Variants in FIGN observed in about 807,000 individuals in gnomAD.
The protein encoded by FIGN is fidgetin.
Under a neutral mutation model 51.3 loss-of-function variants are expected in FIGN, and 11 were observed. That is an observed-to-expected ratio of 0.21 (90% CI 0.13 to 0.35). The LOEUF (loss-of-function observed/expected upper bound fraction) is 0.35. Among genes scored for constraint, FIGN ranks in the 10% least tolerant of loss-of-function variants. The probability of loss-of-function intolerance (pLI) is 1.00; values close to 1 mark genes in which losing one functional copy is unlikely to be tolerated. For missense variants in FIGN, 857 were observed against 943.6 expected, an observed-to-expected ratio of 0.91 and a Z score of 1.20; for synonymous variants, 407 against 363.2, an observed-to-expected ratio of 1.12 and a Z score of -1.37.
intron 1 of FIGN, among the ~76,000 whole-genome samples, chr2:163,735,539 T>C (rs1685001695): frequency 6.6e-6 from 1 of 152,246 alleles, no homozygotes; most frequent in African/African-American, 2.4e-5. Context: ...AAGATAGTAA[T>C]AAGTAAGCCC....
chr2:163,655,821 A>G (rs1266701041), intron 2 of FIGN, among the ~76,000 whole-genome samples: 3 of 151,884 alleles, frequency 2.0e-5, no homozygotes, highest in African/African-American at 7.3e-5. Context: ...AGAGAGAGAG[A>G]GAGAGAGCTC....
Position 163,609,791 on chromosome 2 carries a change from G to C in FIGN, c.2041C>G (p.Leu681Val). 6.2e-7 allele frequency: 1 copy of C among 1,614,156 alleles called. No homozygotes were observed. Among genetic ancestry groups the C allele is most frequent in the Non-Finnish European group, 8.5e-7 (1 of 1,180,030 alleles). The change falls in exon 3 of 3, where the codon CTC becomes GTC. Residue 681 changes from leucine to valine, a missense_variant. Transcript: ENST00000333129. Reference protein sequence around the residue: ...YCLNDKEFALLVQRTEGFSGL... With the variant: ...YCLNDKEFALVVQRTEGFSGL... Reference sequence around the variant, plus strand: ...GAAAAGCCTTCTGTGCGCTGGACGAGCAGTGCAAACTCCTTGTCATTGAGA... The same window carrying C: ...GAAAAGCCTTCTGTGCGCTGGACGACCAGTGCAAACTCCTTGTCATTGAGA...
At chr2:163,680,901 T>C (rs983807498) in intron 2 of FIGN, among the ~76,000 whole-genome samples, 1 of 152,238 alleles carries the variant, frequency 6.6e-6, no homozygotes, top group Non-Finnish European at 1.5e-5. Context: ...TATCAGCCTG[T>C]CTAGCAGAGA....
At chr2:163,645,261 G>T (rs1474503884) in intron 2 of FIGN, among the ~76,000 whole-genome samples, 2 of 152,116 alleles carry the variant, frequency 1.3e-5, no homozygotes, top group Non-Finnish European at 2.9e-5. Flanking sequence ...AGAGAGGTGT[G>T]CCTAGATCAT....
In FIGN at chr2:163,666,766, C is replaced by CTCAAAGA. The variant is rs1559014497; in HGVS notation, c.26-54961_26-54960insTCTTTGA. ...GGATGACAGAAATGAGGACACAAAG[C>CTCAAAGA]CTCAAAGAAGTACCATAATCACACA... On this transcript the variant is annotated intron_variant, in intron 2 of 2. Transcript: ENST00000333129. Among the ~76,000 whole-genome samples, 5 of 152,094 alleles carry CTCAAAGA rather than the reference C, an allele frequency of 3.3e-5. No homozygotes were observed. In the East Asian group the frequency reaches 9.9e-4, roughly 30 times the overall value.
chr2:163,669,759 G>T (rs966763962), intron 2 of FIGN, among the ~76,000 whole-genome samples: 2 of 152,102 alleles, frequency 1.3e-5, no homozygotes, highest in African/African-American at 4.8e-5. Flanking sequence ...AACTCCCAAA[G>T]AAATGAAACT....
At position 163,605,258 on chromosome 2, in the gene FIGN, C is replaced by T. The variant is rs1340829834; in HGVS notation, c.*4294G>A. Reference sequence around the variant, plus strand: ...AAAGATGCAGTATCCCTGGTTCACACAAATGCATCTGGCAGGTTCAAAATC... The same window carrying T: ...AAAGATGCAGTATCCCTGGTTCACATAAATGCATCTGGCAGGTTCAAAATC... On this transcript the variant is annotated 3_prime_UTR_variant, in exon 3 of 3. Coordinates refer to ENST00000333129, the MANE Select transcript of FIGN (RefSeq NM_018086.4). 1 of 151,982 alleles carries T rather than the reference C, an allele frequency of 6.6e-6. No homozygotes were observed. The highest frequency in any genetic ancestry group is 1.5e-5 in the Non-Finnish European group (1 of 67,990). The allele number at this position is 151,982 out of a possible 1,614,324, so 9.4% of individuals were successfully genotyped here.
Position 163,604,311 on chromosome 2 carries a change from G to A in FIGN, c.*5241C>T, listed in dbSNP as rs1691037280. 1.3e-5 allele frequency: 2 copies of A among 152,106 alleles called. No individual in the cohort carries two copies. The highest frequency in any genetic ancestry group is 1.3e-4 in the Admixed American group (2 of 15,236). The allele number at this position is 152,106 out of a possible 1,614,324, so 9.4% of individuals were successfully genotyped here. ...TGGGAATGCTAACACATTTCTCAGAGATGGGCACATAGGAATAAAGCTCTA... is the reference window on the plus strand; with the variant it reads ...TGGGAATGCTAACACATTTCTCAGAAATGGGCACATAGGAATAAAGCTCTA... On this transcript the variant is annotated 3_prime_UTR_variant, in exon 3 of 3. Coordinates refer to ENST00000333129, the MANE Select transcript of FIGN (RefSeq NM_018086.4).
At chr2:163,635,410 T>C (rs1000777580) in intron 2 of FIGN, among the ~76,000 whole-genome samples, 2 of 152,002 alleles carry the variant, frequency 1.3e-5, no homozygotes, top group Admixed American at 1.3e-4. Context: ...TCTACAAAAA[T>C]ATTTTAAAAA....
rs1370400527 is a variant in FIGN at position 163,610,948 on chromosome 2, T to C, written c.884A>G (p.Tyr295Cys). ...LPPTTVPGYT[Y>C]QGHGLTPIAP... is the part of the protein sequence containing the mutation. ...AATAGGTGTCAAACCATGGCCCTGG[T>C]AGGTGTAGCCAGGAACAGTGGTGGG... The change falls in exon 3 of 3, where the codon TAC becomes TGC. Residue 295 changes from tyrosine to cysteine, a missense_variant. Physicochemically the swap from Tyr to Cys is radical, Grantham distance 194 (BLOSUM62 -2). Coordinates refer to ENST00000333129, the MANE Select transcript of FIGN (RefSeq NM_018086.4). 3 of 1,611,694 alleles carry C rather than the reference T, an allele frequency of 1.9e-6. No homozygotes were observed. Among genetic ancestry groups the C allele is most frequent in the Non-Finnish European group, 2.5e-6 (3 of 1,179,686 alleles).
chr2:163,728,005 AG>A (rs1684864799), intron 2 of FIGN, among the ~76,000 whole-genome samples: 1 of 152,182 alleles, frequency 6.6e-6, no homozygotes, highest in African/African-American at 2.4e-5. Flanking sequence ...TGAGAAGCTA[AG>A]TCCAGGATTT....
intron 2 of FIGN, among the ~76,000 whole-genome samples, chr2:163,650,800 T>A (rs1559008942): frequency 6.6e-6 from 1 of 152,208 alleles, no homozygotes; most frequent in Non-Finnish European, 1.5e-5. Flanking sequence ...TACAGGGCTT[T>A]CCTGTGAACA....
intron 2 of FIGN, chr2:163,617,341 A>T (rs1682894687): frequency 1.3e-5 from 7 of 519,268 alleles, no homozygotes; most frequent in Non-Finnish European, 1.7e-5. Flanking sequence ...TCAATAAAAG[A>T]TGAACTATGT....
chr2:163,709,814 C>A (rs999391013), intron 2 of FIGN, among the ~76,000 whole-genome samples: 3 of 152,032 alleles, frequency 2.0e-5, no homozygotes, highest in Non-Finnish European at 4.4e-5. Flanking sequence ...TTAAAATGGG[C>A]AGGTCAATCA....
At chr2:163,694,686 T>C (rs980689216) in intron 2 of FIGN, among the ~76,000 whole-genome samples, 11 of 152,204 alleles carry the variant, frequency 7.2e-5, no homozygotes, top group African/African-American at 2.7e-4. Context: ...GCAAAAATAT[T>C]GGCCATGTCC....
chr2:163,728,177 CT>C (rs1480032251), intron 2 of FIGN, among the ~76,000 whole-genome samples: 3 of 152,090 alleles, frequency 2.0e-5, no homozygotes, highest in East Asian at 3.9e-4. Context: ...CTGCCCCCCC[CT>C]TCCTGTCACT....
intron 2 of FIGN, among the ~76,000 whole-genome samples, chr2:163,628,117 C>T (rs1683084547): frequency 1.3e-5 from 2 of 152,094 alleles, no homozygotes; most frequent in African/African-American, 4.8e-5. Flanking sequence ...ATCCAAATGC[C>T]TACTATTATG....
chr2:163,674,718 C>G (rs1683929755), intron 2 of FIGN, among the ~76,000 whole-genome samples: 1 of 152,090 alleles, frequency 6.6e-6, no homozygotes, highest in Non-Finnish European at 1.5e-5. Context: ...GCAACTAAAT[C>G]TTTGAAAATA....
chr2:163,637,074 G>A (rs1363139240), intron 2 of FIGN, among the ~76,000 whole-genome samples: 2 of 152,010 alleles, frequency 1.3e-5, no homozygotes, highest in African/African-American at 2.4e-5. Context: ...GTGAGACACC[G>A]TCTCAAACAA....
Sources: allele counts gnomAD v4.1 joint callset (sites outside exome capture counted in the v4.1 genomes callset), GRCh38; gene constraint gnomAD v4.1.1; transcripts MANE v1.5; gene names NCBI Gene and HGNC (gene_info 2026-07-23, HGNC 2026-07-21).